The following AK5 variants were observed in gnomAD, a reference collection of about 807,000 sequenced individuals.
AK5 encodes the protein adenylate kinase isoenzyme 5.
Under a neutral mutation model 69.5 loss-of-function variants are expected in AK5, and 27 were observed. The ratio of observed to expected loss-of-function variants is 0.39; its 90% confidence interval spans 0.29 to 0.54. The LOEUF (loss-of-function observed/expected upper bound fraction) is 0.54. AK5 is among the 20% of genes least tolerant of loss of function. The pLI, the probability that AK5 is intolerant of heterozygous loss-of-function variation, is 0.71. For synonymous variants in AK5, 260 were observed against 244.4 expected, an observed-to-expected ratio of 1.06 and a Z score of -0.60; for missense variants, 531 against 700.4, an observed-to-expected ratio of 0.76 and a Z score of 2.73.
At chr1:77,381,512 A>G (rs1280888807) in intron 6 of AK5, among the ~76,000 whole-genome samples, 1 of 152,174 alleles carries the variant, frequency 6.6e-6, no homozygotes, top group African/African-American at 2.4e-5. Flanking sequence ...CACCAAAAGA[A>G]CAAAACATGG....
intron 8 of AK5, among the ~76,000 whole-genome samples, chr1:77,471,938 A>G (rs1654534758): frequency 6.6e-6 from 1 of 152,210 alleles, no homozygotes; most frequent in Non-Finnish European, 1.5e-5. Flanking sequence ...CTCTACAAAC[A>G]TGCTGAGTTA....
intron 12 of AK5, among the ~76,000 whole-genome samples, chr1:77,524,093 G>T (rs1003222269): frequency 7.9e-5 from 12 of 152,160 alleles, no homozygotes; most frequent in Admixed American, 7.8e-4. Flanking sequence ...GTTCATTAAT[G>T]TTGTAGCATG....
intron 2 of AK5, among the ~76,000 whole-genome samples, chr1:77,289,862 CAAAAAAAAA>C (rs55819317): frequency 1.5e-4 from 10 of 64,700 alleles, no homozygotes; most frequent in African/African-American, 5.7e-4. Flanking sequence ...GACTCCGTCT[CAAAAAAAAA>C]AAAAAAAAAA....
At chr1:77,389,660 C>T (rs1648281532) in intron 6 of AK5, among the ~76,000 whole-genome samples, 1 of 152,168 alleles carries the variant, frequency 6.6e-6, no homozygotes, top group East Asian at 1.9e-4. Flanking sequence ...ACCACAGTGT[C>T]TCTAAAATTT....
In AK5 at chr1:77,293,974, A is replaced by G. The variant is rs1175188073; in HGVS notation, c.415+14A>G. 1 of 1,600,498 alleles carries G rather than the reference A, an allele frequency of 6.2e-7. No homozygotes were observed. Among genetic ancestry groups the G allele is most frequent in the Non-Finnish European group, 8.5e-7 (1 of 1,176,380 alleles). On this transcript the variant is annotated intron_variant, in intron 3 of 13. Transcript: ENST00000354567. ...TTCTTGTTATAGGTATGAGGACAGA[A>G]AGCAAAAATTCTCATACCGTTGCTG...
At chr1:77,290,178 A>G (rs1658607612) in intron 2 of AK5, among the ~76,000 whole-genome samples, 1 of 152,228 alleles carries the variant, frequency 6.6e-6, no homozygotes, top group Admixed American at 6.5e-5. Flanking sequence ...ACGGTCTTGT[A>G]TCTGAAAGGT....
intron 1 of AK5, chr1:77,283,192 T>C: frequency 1.0e-6 from 1 of 985,494 alleles, no homozygotes; most frequent in Non-Finnish European, 1.2e-6. Flanking sequence ...TGGTCTGTTC[T>C]AAGCCACAAC....
chr1:77,484,580 G>A (rs1570237580), intron 9 of AK5, among the ~76,000 whole-genome samples: 1 of 152,266 alleles, frequency 6.6e-6, no homozygotes, highest in East Asian at 1.9e-4. Flanking sequence ...TTAGCTAAGT[G>A]CAAATAATCA....
intron 8 of AK5, among the ~76,000 whole-genome samples, chr1:77,465,696 C>T (rs1277245077): frequency 6.6e-6 from 1 of 152,090 alleles, no homozygotes; most frequent in South Asian, 2.1e-4. Flanking sequence ...AAGTGGGAGT[C>T]GTGGCTGGGT....
chr1:77,352,530 T>C (rs1177809546), intron 6 of AK5, among the ~76,000 whole-genome samples: 1 of 152,168 alleles, frequency 6.6e-6, no homozygotes, highest in Non-Finnish European at 1.5e-5. Flanking sequence ...TAAACACCCC[T>C]CTCAAAACAG....
intron 8 of AK5, among the ~76,000 whole-genome samples, chr1:77,474,212 A>G (rs548652106): frequency 1.3e-5 from 2 of 152,318 alleles, no homozygotes; most frequent in East Asian, 3.9e-4. Flanking sequence ...TCTCTCCCGA[A>G]TGTCTCCTCC....
At chr1:77,499,810 G>T (rs1216302353) in intron 10 of AK5, among the ~76,000 whole-genome samples, 4 of 143,008 alleles carry the variant, frequency 2.8e-5, no homozygotes, top group African/African-American at 1.0e-4. Flanking sequence ...GTGATAGCCA[G>T]TTGATTGGAA....
intron 10 of AK5, among the ~76,000 whole-genome samples, chr1:77,505,078 G>T (rs1014248304): frequency 1.3e-5 from 2 of 152,130 alleles, no homozygotes; most frequent in African/African-American, 4.8e-5. Context: ...CTTCAAAACA[G>T]TTGTGCCCGT....
intron 11 of AK5, among the ~76,000 whole-genome samples, chr1:77,519,190 A>G (rs1657840669): frequency 6.6e-6 from 1 of 152,146 alleles, no homozygotes. Flanking sequence ...TTCTAAAGTC[A>G]CCATCCATCT....
At chr1:77,515,315 T>C (rs1049601660) in intron 10 of AK5, among the ~76,000 whole-genome samples, 1 of 152,030 alleles carries the variant, frequency 6.6e-6, no homozygotes, top group Admixed American at 6.6e-5. Flanking sequence ...GGCCCTTCTA[T>C]TAGAAAGGGT....
At chr1:77,550,329 T>G (rs1266453719) in intron 13 of AK5, among the ~76,000 whole-genome samples, 1 of 152,206 alleles carries the variant, frequency 6.6e-6, no homozygotes, top group Non-Finnish European at 1.5e-5. Context: ...ATTCTGATTT[T>G]GCTGACTCAG....
chr1:77,432,122 A>G (rs1270240537), intron 8 of AK5, among the ~76,000 whole-genome samples: 1 of 152,142 alleles, frequency 6.6e-6, no homozygotes, highest in Admixed American at 6.6e-5. Flanking sequence ...TTGTTGACAC[A>G]AGTGACTCTA....
intron 5 of AK5, among the ~76,000 whole-genome samples, chr1:77,333,209 A>T (rs901748644): frequency 3.3e-5 from 5 of 152,128 alleles, no homozygotes; most frequent in Admixed American, 3.3e-4. Flanking sequence ...CTCTGTATCA[A>T]ACACCTCTGA....
At chr1:77,409,488 G>A (rs1649890251) in intron 6 of AK5, among the ~76,000 whole-genome samples, 1 of 152,102 alleles carries the variant, frequency 6.6e-6, no homozygotes, top group Non-Finnish European at 1.5e-5. Context: ...CTAATGATCA[G>A]TGATATTGAG....
Sources: gnomAD v4.1 joint callset for allele counts (sites outside exome capture counted in the v4.1 genomes callset) on GRCh38, gnomAD v4.1.1 for gene constraint, MANE v1.5 for transcripts, NCBI Gene and HGNC (gene_info 2026-07-23, HGNC 2026-07-21) for gene names.